SCAF4: variants seen among roughly 807,000 people sequenced by gnomAD.
SCAF4 encodes the protein SR-related CTD associated factor 4, also known as SR-related and CTD-associated factor 4.
SCAF4 carries 25 observed loss-of-function variants against 129.8 expected under a neutral mutation model. The ratio of observed to expected loss-of-function variants is 0.19; its 90% confidence interval spans 0.14 to 0.27. The LOEUF is 0.27. Ranked by LOEUF, SCAF4 falls within the 10% of genes least tolerant of loss-of-function variation. The pLI is 1.00. For missense variants in SCAF4, 1,246 were observed against 1,457.1 expected (o/e 0.86, Z 2.36); for synonymous variants, 551 against 497.7 (o/e 1.11, Z -1.43).
rs183259870 is a variant in SCAF4, at chr21:31,719,299, A to C, written c.30+12364T>G. On this transcript the variant is annotated intron_variant, in intron 1 of 19. Transcript: ENST00000286835. ...GAACGAAACTCTGTCCCAAAAAAAA[A>C]CAAAAAACAAAAAACAAAAAAAACA... is the stretch of plus-strand genomic sequence containing the variant. Among the ~76,000 whole-genome samples, 745 of 151,068 alleles carry C rather than the reference A, an allele frequency of 4.9e-3. 2 individuals carry two copies. Among genetic ancestry groups the C allele is most frequent in the Non-Finnish European group, 7.3e-3 (496 of 67,996 alleles).
chr21:31,715,236 G>A (rs1486020193), intron 1 of SCAF4, among the ~76,000 whole-genome samples: 4 of 151,990 alleles, frequency 2.6e-5, no homozygotes, highest in Non-Finnish European at 4.4e-5. Context: ...AAAGCCAGCA[G>A]TATAGCATCT....
At chr21:31,676,193 A>G (rs1429682733) in intron 19 of SCAF4, among the ~76,000 whole-genome samples, 2 of 152,066 alleles carry the variant, frequency 1.3e-5, no homozygotes, top group Non-Finnish European at 2.9e-5. Context: ...TTGGTCAACA[A>G]CCCTATCTTC....
chr21:31,702,155 A>G, intron 5 of SCAF4, 89 bp downstream of exon 5: 1 of 1,543,700 alleles, frequency 6.5e-7, no homozygotes, highest in Non-Finnish European at 8.8e-7. Context: ...CTTCTTATAG[A>G]AAAATTCCTT....
At position 31,696,529 on chromosome 21, in the gene SCAF4, C is replaced by A. The variant is rs779380161; in HGVS notation, c.959+40G>T. The A allele has an allele frequency of 4.8e-5, 74 of 1,525,944 alleles. No individual in the cohort carries two copies. The Admixed American group carries it at 1.4e-3, about 29-fold the overall frequency. The allele number at this position is 1,525,944 out of a possible 1,614,324, so 94.5% of individuals were successfully genotyped here. ...CTTAGGTTATGCCTTACAACTATTA[C>A]CAATTTTCTATCTGCTGAGGAATAA... On this transcript the variant is annotated intron_variant, in intron 8 of 19. Coordinates refer to ENST00000286835, the MANE Select transcript of SCAF4 (RefSeq NM_020706.2).
chr21:31,671,956 G>T lies in SCAF4; in HGVS notation c.2887C>A (p.Gln963Lys). 1 of 1,609,598 alleles carries T rather than the reference G, an allele frequency of 6.2e-7. No individual in the cohort carries two copies. ...TGTGATGGTGGTGGCTGCTGCTGCT[G>T]CTGCTGCTGTGGTTGCTGGGGCGCC... The part of the protein sequence containing the change: ...PQAPQQPQQQ[Q>K]QQQPPPSQQP... The change falls in exon 20 of 20, where the codon CAG (glutamine) becomes AAG (lysine). Residue 963 changes from glutamine to lysine, a missense_variant. Gln to Lys is a moderately conservative substitution (Grantham distance 53). Transcript: ENST00000286835.
chr21:31,703,663 T>G, intron 4 of SCAF4, 102 bp downstream of exon 4: 1 of 630,530 alleles, frequency 1.6e-6, no homozygotes, highest in Admixed American at 3.0e-5. Context: ...CATCGCTACA[T>G]GAAAATCTTA....
intron 19 of SCAF4, chr21:31,684,519 C>T (rs991778810): frequency 2.6e-5 from 4 of 153,610 alleles, no homozygotes; most frequent in Non-Finnish European, 4.3e-5. Flanking sequence ...GTACCTCAGG[C>T]TGCGCAACTG....
chr21:31,727,408 C>T (rs2051233036), intron 1 of SCAF4, among the ~76,000 whole-genome samples: 1 of 152,094 alleles, frequency 6.6e-6, no homozygotes, highest in Non-Finnish European at 1.5e-5. Context: ...CTTAAAACTG[C>T]AGATGATGCA....
chr21:31,701,803 C>A lies in SCAF4; in HGVS notation c.573G>T (p.Gln191His). The part of the protein sequence containing the change: ...PSSDAFAAVA[Q>H]LFQTTQGQQL... ...GTTGGCCTTGAGTTGTCTGAAACAG[C>A]TGAGCCACAGCAGCAAAAGCATCAG... is the stretch of plus-strand genomic sequence containing the variant. Residue 191 changes from glutamine (Q) to histidine (H), a missense_variant, in exon 6 of 20, where the codon CAG becomes CAT. Coordinates refer to ENST00000286835, the MANE Select transcript of SCAF4 (RefSeq NM_020706.2). 6.2e-7 allele frequency: 1 copy of A among 1,612,720 alleles called. No homozygotes were observed. The highest frequency in any genetic ancestry group is 1.3e-5 in the African/African-American group (1 of 74,914).
In SCAF4 at chr21:31,696,204, C is replaced by G. The variant is rs765034396; in HGVS notation, c.977G>C (p.Gly326Ala). ...CTGTGTGTATGCTGGCTGCTGCATG[C>G]CATCTCCAGGAAAGCCACTAAAAAA... is the stretch of plus-strand genomic sequence containing the variant. ...PQAPFGFPGD[G>A]MQQPAYTQHQ... Residue 326 changes from glycine to alanine, a missense_variant, in exon 9 of 20, where the codon GGC becomes GCC. By Grantham distance (60) the Gly-to-Ala change is moderately conservative. Transcript: ENST00000286835. 6.2e-7 allele frequency: 1 copy of G among 1,613,568 alleles called. No individual in the cohort carries two copies. Among genetic ancestry groups the G allele is most frequent in the Admixed American group, 1.7e-5 (1 of 59,982 alleles).
chr21:31,681,566 A>C (rs1165869382), intron 19 of SCAF4, among the ~76,000 whole-genome samples: 1 of 152,226 alleles, frequency 6.6e-6, no homozygotes, highest in Non-Finnish European at 1.5e-5. Context: ...TTCTCTCCTA[A>C]GTGACCAACA....
chr21:31,703,974 A>C (rs745414972), intron 3 of SCAF4, 48 bp from the exon 4 acceptor site: 1 of 1,161,134 alleles, frequency 8.6e-7, no homozygotes, highest in Non-Finnish European at 1.2e-6. Flanking sequence ...CAAAGTCACA[A>C]TCTGACACCC....
At chr21:31,702,528 A>G (rs77988549) in intron 4 of SCAF4, 149 bp from the exon 5 acceptor site, 17,173 of 720,000 alleles carry the variant, frequency 0.024, 308 homozygotes, top group Non-Finnish European at 0.03. Context: ...AATCAGAATT[A>G]CAACCTGGTT....
At chr21:31,710,625 G>C (rs2050778427) in intron 1 of SCAF4, among the ~76,000 whole-genome samples, 1 of 152,132 alleles carries the variant, frequency 6.6e-6, no homozygotes. Context: ...CAATGTAGCA[G>C]AGAAAAAACC....
intron 1 of SCAF4, among the ~76,000 whole-genome samples, chr21:31,707,041 A>G (rs1024210263): frequency 5.9e-5 from 9 of 152,148 alleles, no homozygotes; most frequent in African/African-American, 2.2e-4. Context: ...TTAAGAGGTA[A>G]AATCATTCAC....
chr21:31,694,061 C>T (rs2050323467), intron 11 of SCAF4, 143 bp downstream of exon 11: 1 of 462,878 alleles, frequency 2.2e-6, no homozygotes, highest in East Asian at 3.2e-5. Flanking sequence ...TTCACCTGCC[C>T]CCTTCTACAC....
chr21:31,684,979 C>A, intron 19 of SCAF4, 70 bp downstream of exon 19: 4 of 552,070 alleles, frequency 7.2e-6, no homozygotes, highest in East Asian at 3.4e-5. Context: ...AAAAATCTAA[C>A]TTGGGGATGG....
intron 1 of SCAF4, among the ~76,000 whole-genome samples, chr21:31,725,853 CTT>C (rs1446966824): frequency 6.6e-6 from 1 of 152,012 alleles, no homozygotes; most frequent in African/African-American, 2.4e-5. Context: ...TGATGTCACT[CTT>C]TATTAATTTT....
chr21:31,687,443 T>G (rs2050152083), intron 16 of SCAF4, among the ~76,000 whole-genome samples: 1 of 152,068 alleles, frequency 6.6e-6, no homozygotes, highest in Non-Finnish European at 1.5e-5. Context: ...AATACCATAC[T>G]GCTGAATATA....
Sources: allele counts gnomAD v4.1 joint callset (sites outside exome capture counted in the v4.1 genomes callset), GRCh38; gene constraint gnomAD v4.1.1; transcripts MANE v1.5; gene names NCBI Gene and HGNC (gene_info 2026-07-23, HGNC 2026-07-21).